The following RBFOX1 variants were observed in gnomAD, a reference collection of about 807,000 sequenced individuals.
RBFOX1 encodes the protein RNA binding protein fox-1 homolog 1.
RBFOX1 carries 8 observed loss-of-function variants against 57.7 expected under a neutral mutation model. The ratio of observed to expected loss-of-function variants is 0.14; its 90% CI spans 0.08 to 0.25. RBFOX1 has a LOEUF of 0.25. Ranked by LOEUF, RBFOX1 falls within the 10% of genes least tolerant of loss-of-function variation. RBFOX1 has a pLI of 1.00. For synonymous variants in RBFOX1, 326 were observed against 222.4 expected (o/e 1.47, Z -4.15); for missense variants, 611 against 548.5 (o/e 1.11, Z -1.14).
intron 3 of RBFOX1, among the ~76,000 whole-genome samples, chr16:7,046,720 C>T (rs745954576): frequency 2.7e-5 from 4 of 150,628 alleles, no homozygotes; most frequent in Non-Finnish European, 5.9e-5. Flanking sequence ...ATTCTCCTGC[C>T]TCAGCCTCCC....
At chr16:6,495,310 G>T (rs187991652) in intron 2 of RBFOX1, among the ~76,000 whole-genome samples, 2 of 152,180 alleles carry the variant, frequency 1.3e-5, no homozygotes, top group South Asian at 4.1e-4. Context: ...GTAGAGATGG[G>T]GTTTCACCAT....
At chr16:6,856,738 A>T (rs2057977244) in intron 3 of RBFOX1, among the ~76,000 whole-genome samples, 1 of 152,180 alleles carries the variant, frequency 6.6e-6, no homozygotes, top group African/African-American at 2.4e-5. Flanking sequence ...CCATGAGGCA[A>T]TAATGATGAT....
At chr16:7,244,280 G>A (rs2094199019) in intron 4 of RBFOX1, among the ~76,000 whole-genome samples, 2 of 145,672 alleles carry the variant, frequency 1.4e-5, no homozygotes, top group Admixed American at 6.8e-5. Flanking sequence ...AACACCCTTG[G>A]GCTTTTCATT....
intron 2 of RBFOX1, among the ~76,000 whole-genome samples, chr16:6,454,320 G>A (rs2094706208): frequency 6.6e-6 from 1 of 152,130 alleles, no homozygotes; most frequent in Admixed American, 6.5e-5. Context: ...ACTTTGGGAG[G>A]TCAAGGCAGG....
intron 2 of RBFOX1, among the ~76,000 whole-genome samples, chr16:5,586,653 C>G (rs1035347673): frequency 2.6e-5 from 4 of 152,154 alleles, no homozygotes; most frequent in African/African-American, 9.7e-5. Flanking sequence ...TGTGCTACCA[C>G]ACTCATCTAA....
intron 4 of RBFOX1, among the ~76,000 whole-genome samples, chr16:7,096,859 G>A (rs1362965496): frequency 6.7e-6 from 1 of 149,434 alleles, no homozygotes; most frequent in Non-Finnish European, 1.5e-5. Flanking sequence ...TTGAACCCGG[G>A]AGGCGGAGGT....
intron 3 of RBFOX1, among the ~76,000 whole-genome samples, chr16:5,736,617 T>C (rs2052584523): frequency 6.6e-6 from 1 of 152,110 alleles, no homozygotes; most frequent in South Asian, 2.1e-4. Context: ...TATTTAAATT[T>C]TTCTTAATTT....
At chr16:5,327,807 C>T (rs114164697) in intron 1 of RBFOX1, among the ~76,000 whole-genome samples, 206 of 152,252 alleles carry the variant, frequency 1.4e-3, no homozygotes, top group African/African-American at 4.8e-3. Flanking sequence ...CTGTTAGTAC[C>T]CCTTGTAAAG....
intron 4 of RBFOX1, among the ~76,000 whole-genome samples, chr16:7,095,808 C>T (rs1033416981): frequency 2.0e-5 from 3 of 151,968 alleles, no homozygotes; most frequent in Admixed American, 6.6e-5. Context: ...GTCAGGAGAT[C>T]GAGACCATCC....
chr16:5,783,811 C>G (rs1215415106), intron 3 of RBFOX1, among the ~76,000 whole-genome samples: 1 of 152,250 alleles, frequency 6.6e-6, no homozygotes, highest in East Asian at 1.9e-4. Flanking sequence ...GGCAGGCTCC[C>G]TAGTGCATAT....
intron 3 of RBFOX1, among the ~76,000 whole-genome samples, chr16:6,857,381 G>C (rs915066222): frequency 6.6e-6 from 1 of 152,054 alleles, no homozygotes; most frequent in African/African-American, 2.4e-5. Flanking sequence ...GTGAATCAGA[G>C]GTCTCCATCC....
intron 3 of RBFOX1, among the ~76,000 whole-genome samples, chr16:6,838,108 C>G (rs954741207): frequency 2.2e-4 from 34 of 151,856 alleles, no homozygotes; most frequent in African/African-American, 8.2e-4. Flanking sequence ...TTTGCTGCAC[C>G]TATCAACCTG....
chr16:5,955,346 TAAAATAAATAAAAATAAAATAAAA>T (rs1567187779), intron 4 of RBFOX1, among the ~76,000 whole-genome samples: 482 of 27,336 alleles, frequency 0.018, 52 homozygotes, highest in African/African-American at 0.075. Flanking sequence ...TAAAATAAAA[TAAAATAAATAAAAATAAAATAAAA>T]TAAAATAAAA....
At position 6,603,985 on chromosome 16, in the gene RBFOX1, C is replaced by A. The variant is rs560002802; in HGVS notation, c.-63-50618C>A. Among the ~76,000 whole-genome samples, 10 of 152,216 alleles carry A rather than the reference C, an allele frequency of 6.6e-5. No homozygotes were observed. In the East Asian group the frequency reaches 1.9e-3, roughly 29 times the overall value. ...CTCTGATCTCCTTTTCTTCTCCCAG[C>A]CTTGGGGGTTCTGCAGCTAACTGTG... On this transcript the variant is annotated intron_variant, in intron 2 of 15. Coordinates refer to ENST00000550418, the MANE Select transcript of RBFOX1 (RefSeq NM_018723.4).
intron 3 of RBFOX1, among the ~76,000 whole-genome samples, chr16:6,892,777 TCTCTCTCTCTCTCTCTCTCTCTCTCTCTC>T (rs1567747688): frequency 0.086 from 1,852 of 21,476 alleles, 23 homozygotes; most frequent in Non-Finnish European, 0.14. Flanking sequence ...CCTGTCTCCC[TCTCTCTCTCTCTCTCTCTCTCTCTCTCTC>T]TCTCTCTCTC....
chr16:6,735,189 A>G (rs2069822586), intron 3 of RBFOX1, among the ~76,000 whole-genome samples: 1 of 152,110 alleles, frequency 6.6e-6, no homozygotes, highest in Non-Finnish European at 1.5e-5. Flanking sequence ...AACATCAACA[A>G]CGAAAACCAA....
intron 2 of RBFOX1, among the ~76,000 whole-genome samples, chr16:6,572,085 C>T (rs1292402597): frequency 6.6e-6 from 1 of 152,160 alleles, no homozygotes; most frequent in Non-Finnish European, 1.5e-5. Flanking sequence ...TGCCAATACA[C>T]ACTTAGCAAG....
At chr16:5,641,183 C>A (rs371647298) in intron 3 of RBFOX1, among the ~76,000 whole-genome samples, 6 of 151,954 alleles carry the variant, frequency 3.9e-5, no homozygotes, top group Non-Finnish European at 7.4e-5. Context: ...ACCATGGATA[C>A]ACACAGGCAC....
intron 3 of RBFOX1, among the ~76,000 whole-genome samples, chr16:5,623,579 T>G (rs1022334046): frequency 1.3e-5 from 2 of 152,104 alleles, no homozygotes; most frequent in African/African-American, 4.8e-5. Flanking sequence ...CCCAACTGCT[T>G]TCTTAAAGCC....
Sources: gnomAD v4.1 joint callset for allele counts (sites outside exome capture counted in the v4.1 genomes callset) on GRCh38, gnomAD v4.1.1 for gene constraint, MANE v1.5 for transcripts, NCBI Gene and HGNC (gene_info 2026-07-23, HGNC 2026-07-21) for gene names.